PRKCE: variants seen among roughly 807,000 people sequenced by gnomAD.
The protein encoded by PRKCE is protein kinase C epsilon type.
Under a neutral mutation model 85.4 loss-of-function variants are expected in PRKCE, and 16 were observed. The ratio of observed to expected loss-of-function variants is 0.19; its 90% confidence interval spans 0.13 to 0.28. PRKCE has a LOEUF of 0.28. Among genes scored for constraint, PRKCE ranks in the 10% least tolerant of loss-of-function variants. PRKCE has a pLI of 1.00. For missense variants in PRKCE, 573 were observed against 975.2 expected (o/e 0.59, Z 5.49); for synonymous variants, 388 against 371.5 (o/e 1.04, Z -0.51).
At position 46,118,537 on chromosome 2, in the gene PRKCE, A is replaced by G. The variant is rs560848383; in HGVS notation, c.1593-26556A>G. Among the ~76,000 whole-genome samples, 3 of 152,356 alleles carry G rather than the reference A, an allele frequency of 2.0e-5. 1 individual carries two copies. The South Asian group carries it at 6.2e-4, about 32-fold the overall frequency. The stretch of plus-strand genomic sequence containing the variant: ...AAAATGCAGACACAATATACTCTTC[A>G]TGGAAAGCCTTGGACTAACAAAAGA... On this transcript the variant is annotated intron_variant, in intron 11 of 14. Coordinates refer to ENST00000306156, the MANE Select transcript of PRKCE (RefSeq NM_005400.3).
At chr2:46,164,386 A>G (rs891173309) in intron 14 of PRKCE, among the ~76,000 whole-genome samples, 2 of 152,214 alleles carry the variant, frequency 1.3e-5, no homozygotes, top group African/African-American at 4.8e-5. Context: ...CAAGTGCCCT[A>G]ATCTGGTAAA....
chr2:45,954,340 C>G (rs1179053653), intron 2 of PRKCE, among the ~76,000 whole-genome samples: 5 of 152,172 alleles, frequency 3.3e-5, no homozygotes, highest in Non-Finnish European at 7.4e-5. Context: ...GAAGAGCAGA[C>G]AATTTTCTTG....
intron 2 of PRKCE, among the ~76,000 whole-genome samples, chr2:45,906,586 C>G (rs1696992320): frequency 6.6e-6 from 1 of 152,174 alleles, no homozygotes; most frequent in Non-Finnish European, 1.5e-5. Flanking sequence ...ATGGGCCTGT[C>G]TGATGGGATT....
chr2:45,937,123 A>G (rs1699520115), intron 2 of PRKCE, among the ~76,000 whole-genome samples: 1 of 152,232 alleles, frequency 6.6e-6, no homozygotes, highest in Admixed American at 6.5e-5. Flanking sequence ...CTGGGAAGAA[A>G]AGATTCCATG....
At chr2:46,160,482 G>A (rs2278775) in intron 14 of PRKCE, among the ~76,000 whole-genome samples, 66,077 of 152,146 alleles carry the variant, frequency 0.43, 16,908 homozygotes, top group East Asian at 0.86. Context: ...AAGTTACAGC[G>A]TGTGTTATCT....
intron 1 of PRKCE, among the ~76,000 whole-genome samples, chr2:45,712,929 A>C (rs1361497677): frequency 1.3e-5 from 2 of 152,210 alleles, no homozygotes; most frequent in African/African-American, 2.4e-5. Context: ...TATACCTGGC[A>C]TATGTTAAAT....
intron 1 of PRKCE, among the ~76,000 whole-genome samples, chr2:45,734,930 C>T (rs904091533): frequency 2.6e-5 from 4 of 152,370 alleles, no homozygotes; most frequent in Non-Finnish European, 4.4e-5. Context: ...GAGCTCCCCT[C>T]GGGATTGCCT....
chr2:45,799,439 G>C (rs1423089385), intron 1 of PRKCE, among the ~76,000 whole-genome samples: 1 of 152,150 alleles, frequency 6.6e-6, no homozygotes, highest in Non-Finnish European at 1.5e-5. Context: ...TGTAGTCCTA[G>C]CTACTCAGGA....
chr2:46,134,221 G>C (rs1485041000), intron 11 of PRKCE, among the ~76,000 whole-genome samples: 1 of 152,200 alleles, frequency 6.6e-6, no homozygotes, highest in Non-Finnish European at 1.5e-5. Flanking sequence ...TAGGTATTGA[G>C]ACACTGGGAT....
At chr2:45,964,138 G>T (rs73926123) in intron 2 of PRKCE, among the ~76,000 whole-genome samples, 2 of 152,248 alleles carry the variant, frequency 1.3e-5, no homozygotes, top group Middle Eastern at 3.4e-3. Flanking sequence ...GCATTAAAAG[G>T]CTTGTTATTT....
chr2:45,776,844 C>G (rs1685787868), intron 1 of PRKCE, among the ~76,000 whole-genome samples: 1 of 152,198 alleles, frequency 6.6e-6, no homozygotes, highest in Admixed American at 6.5e-5. Flanking sequence ...ACTCTCCAAG[C>G]AAACTCATTT....
chr2:45,694,930 C>CATGAGGAG (rs1420526663), intron 1 of PRKCE, among the ~76,000 whole-genome samples: 2 of 152,170 alleles, frequency 1.3e-5, no homozygotes, highest in African/African-American at 4.8e-5. Flanking sequence ...GAAGGGATCA[C>CATGAGGAG]ATGAGGAGAT....
At chr2:46,010,627 G>C in intron 10 of PRKCE, 110 bp downstream of exon 10, 1 of 1,599,260 alleles carries the variant, frequency 6.3e-7, no homozygotes, top group Non-Finnish European at 8.5e-7. Context: ...TGTAAAGTGG[G>C]ATGGGTTTTA....
At chr2:46,126,748 C>A (rs955383157) in intron 11 of PRKCE, among the ~76,000 whole-genome samples, 1 of 152,148 alleles carries the variant, frequency 6.6e-6, no homozygotes, top group Non-Finnish European at 1.5e-5. Context: ...TTCCTCCTCC[C>A]TTCCCTTGAG....
chr2:45,805,689 C>A (rs760604632), intron 1 of PRKCE, among the ~76,000 whole-genome samples: 1 of 151,826 alleles, frequency 6.6e-6, no homozygotes, highest in Non-Finnish European at 1.5e-5. Flanking sequence ...CTCCGCCTCC[C>A]GGGTTAAAGT....
intron 1 of PRKCE, among the ~76,000 whole-genome samples, chr2:45,830,483 A>T (rs1259254110): frequency 6.6e-6 from 1 of 152,258 alleles, no homozygotes; most frequent in Non-Finnish European, 1.5e-5. Flanking sequence ...AAATGGATAT[A>T]TATATGTATC....
At chr2:45,996,066 T>C (rs1211846792) in intron 6 of PRKCE, among the ~76,000 whole-genome samples, 1 of 152,212 alleles carries the variant, frequency 6.6e-6, no homozygotes, top group Non-Finnish European at 1.5e-5. Flanking sequence ...CTTATATAGA[T>C]CTTGTACATA....
chr2:45,934,245 G>A (rs1351622978), intron 2 of PRKCE, among the ~76,000 whole-genome samples: 1 of 152,112 alleles, frequency 6.6e-6, no homozygotes, highest in African/African-American at 2.4e-5. Flanking sequence ...TGTTCTTATT[G>A]TAATAAATAA....
In PRKCE at chr2:46,185,789, A is replaced by G. The variant is rs1680407024; in HGVS notation, c.*908A>G. 6.6e-6 allele frequency: 1 copy of G among 152,198 alleles called. No individual in the cohort carries two copies. The highest frequency in any genetic ancestry group is 1.5e-5 in the Non-Finnish European group (1 of 68,042). The allele number at this position is 152,198 out of a possible 1,614,324, so 9.4% of individuals were successfully genotyped here. On this transcript the variant is annotated 3_prime_UTR_variant, in exon 15 of 15. Coordinates refer to ENST00000306156, the MANE Select transcript of PRKCE (RefSeq NM_005400.3). This position sits in a 1 kb window ranked among gnomAD's most constrained non-coding sequence, Gnocchi z 4.7. ...CATCATTCAAGTTCTACCTGGACAC[A>G]AAGGCGAGGACCCTGGGGTTCCAAC...
Sources: gnomAD v4.1 joint callset for allele counts (sites outside exome capture counted in the v4.1 genomes callset) on GRCh38, gnomAD v4.1.1 for gene constraint, Gnocchi (gnomAD v3.1) non-coding constraint, MANE v1.5 for transcripts, NCBI Gene and HGNC (gene_info 2026-07-23, HGNC 2026-07-21) for gene names.